Variants in LIN52 observed in about 807,000 individuals in gnomAD.
LIN52 encodes the protein protein lin-52 homolog.
In LIN52, 4 loss-of-function variants were observed where a neutral mutation model predicts 18.5. The ratio of observed to expected loss-of-function variants is 0.22; its 90% CI spans 0.11 to 0.49. The LOEUF is 0.49. Among genes scored for constraint, LIN52 ranks in the 20% least tolerant of loss-of-function variants. The pLI is 0.97. For synonymous variants in LIN52, 34 were observed against 45.5 expected, an observed-to-expected ratio of 0.75 and a Z score of 1.02; for missense variants, 102 against 139.5, an observed-to-expected ratio of 0.73 and a Z score of 1.35.
At chr14:74,126,523 A>G (rs962114145) in intron 5 of LIN52, among the ~76,000 whole-genome samples, 2 of 152,254 alleles carry the variant, frequency 1.3e-5, no homozygotes, top group Non-Finnish European at 2.9e-5. Flanking sequence ...AAAATGTGGT[A>G]TATCCATACA....
intron 5 of LIN52, among the ~76,000 whole-genome samples, chr14:74,168,042 C>T (rs2061256950): frequency 6.6e-6 from 1 of 152,158 alleles, no homozygotes; most frequent in South Asian, 2.1e-4. Context: ...ATTAAATGGA[C>T]CCTCAAGAAG....
At position 74,194,094 on chromosome 14, in the gene LIN52, A is replaced by G. The variant is rs182153109; in HGVS notation, c.284-4828A>G. ...TTGCCTCAAAGTTATAATCTGGACA[A>G]TCTTTCTGTAATAAAACCCATATGT... On this transcript the variant is annotated intron_variant, in intron 5 of 5. Transcript: ENST00000555028. Among the ~76,000 whole-genome samples the G allele has an allele frequency of 2.6e-4, 39 of 152,358 alleles. No homozygotes were observed. The South Asian group carries it at 3.9e-3, about 15-fold the overall frequency.
At chr14:74,171,018 C>CA (rs11424527) in intron 5 of LIN52, among the ~76,000 whole-genome samples, 1,329 of 123,584 alleles carry the variant, frequency 0.011, 16 homozygotes, top group African/African-American at 0.022. Context: ...CCGTCTGTAC[C>CA]AAAAAAAAAA....
At chr14:74,089,370 ATTTT>A (rs71460953) in intron 1 of LIN52, among the ~76,000 whole-genome samples, 1 of 142,332 alleles carries the variant, frequency 7.0e-6, no homozygotes, top group Admixed American at 7.1e-5. Context: ...TTAAGTGGGG[ATTTT>A]TTTTTTTTTT....
intron 5 of LIN52, among the ~76,000 whole-genome samples, chr14:74,195,587 C>T (rs538328236): frequency 2.2e-4 from 33 of 147,322 alleles, no homozygotes; most frequent in East Asian, 1.8e-3. Context: ...CGCGTGTAGA[C>T]GAGGAATACA....
intron 5 of LIN52, among the ~76,000 whole-genome samples, chr14:74,108,791 GTTA>G (rs1472858108): frequency 6.6e-6 from 1 of 152,016 alleles, no homozygotes; most frequent in Non-Finnish European, 1.5e-5. Context: ...ACATATATAT[GTTA>G]TTATCACATA....
chr14:74,086,170 A>G (rs993926297), intron 1 of LIN52, among the ~76,000 whole-genome samples: 13 of 152,118 alleles, frequency 8.5e-5, no homozygotes, highest in Non-Finnish European at 2.9e-5. Context: ...CTTTTGCGCT[A>G]GATTGTAAAT....
chr14:74,099,753 G>A (rs1393777431), intron 4 of LIN52, among the ~76,000 whole-genome samples: 1 of 152,050 alleles, frequency 6.6e-6, no homozygotes, highest in Admixed American at 6.6e-5. Context: ...GAAATCACAG[G>A]GAGTCAAAGC....
intron 5 of LIN52, among the ~76,000 whole-genome samples, chr14:74,124,523 G>A (rs1320037175): frequency 4.6e-5 from 7 of 152,080 alleles, no homozygotes; most frequent in Admixed American, 1.3e-4. Flanking sequence ...AAGCTAAGAG[G>A]CTCCTGGGTA....
intron 5 of LIN52, among the ~76,000 whole-genome samples, chr14:74,181,953 GA>G (rs1261470695): frequency 6.6e-6 from 1 of 152,112 alleles, no homozygotes; most frequent in Non-Finnish European, 1.5e-5. Flanking sequence ...GATTTTAGAG[GA>G]AAAAGTTTTT....
intron 5 of LIN52, among the ~76,000 whole-genome samples, chr14:74,144,617 A>AAATGAGAG (rs11281584): frequency 3.3e-4 from 50 of 152,070 alleles, no homozygotes; most frequent in African/African-American, 1.1e-3. Context: ...CTTCTGTGGT[A>AAATGAGAG]AGTCAGCTTG....
chr14:74,186,850 TG>T (rs2061342854), intron 5 of LIN52, among the ~76,000 whole-genome samples: 1 of 152,136 alleles, frequency 6.6e-6, no homozygotes, highest in Non-Finnish European at 1.5e-5. Context: ...AGGCCAAGGC[TG>T]TTGCATCACT....
chr14:74,120,383 C>T (rs971242280), intron 5 of LIN52, among the ~76,000 whole-genome samples: 1 of 151,772 alleles, frequency 6.6e-6, no homozygotes, highest in Non-Finnish European at 1.5e-5. Flanking sequence ...CTTCGGGAGG[C>T]CAAGGCCGGT....
chr14:74,119,305 G>C (rs2060984011), intron 5 of LIN52, among the ~76,000 whole-genome samples: 1 of 148,096 alleles, frequency 6.8e-6, no homozygotes, highest in Admixed American at 7.0e-5. Flanking sequence ...AGGACTACAG[G>C]CGCCCCCCCA....
intron 5 of LIN52, among the ~76,000 whole-genome samples, chr14:74,136,391 T>C (rs1038641218): frequency 3.9e-5 from 6 of 152,192 alleles, no homozygotes; most frequent in African/African-American, 1.4e-4. Flanking sequence ...GAAATAAGCT[T>C]TCTAATTGCT....
At position 74,157,039 on chromosome 14, in the gene LIN52, T is replaced by TTC. The variant is rs769493984; in HGVS notation, c.284-41882_284-41881insCT. ...TGTATACCATATTTTCTTTTTCTTT[T>TTC]TTTTTTTTTTGAGACAGAATTTCAC... On this transcript the variant is annotated intron_variant, in intron 5 of 5. Transcript: ENST00000555028. Among the ~76,000 whole-genome samples, 193 of 150,348 alleles carry TTC rather than the reference T, an allele frequency of 1.3e-3. 1 individual carries two copies. The highest frequency in any genetic ancestry group is 2.5e-3 in the Non-Finnish European group (170 of 67,532).
chr14:74,186,069 A>C (rs1401857137), intron 5 of LIN52, among the ~76,000 whole-genome samples: 1 of 152,164 alleles, frequency 6.6e-6, no homozygotes, highest in Non-Finnish European at 1.5e-5. Flanking sequence ...TGGCTGGATC[A>C]CTTGAGATCA....
intron 5 of LIN52, among the ~76,000 whole-genome samples, chr14:74,134,172 T>C (rs2061084405): frequency 6.6e-6 from 1 of 152,244 alleles, no homozygotes; most frequent in Admixed American, 6.5e-5. Context: ...CTGCAATTTC[T>C]TTATGACTTG....
chr14:74,109,669 A>G (rs2060915669), intron 5 of LIN52, among the ~76,000 whole-genome samples: 1 of 152,218 alleles, frequency 6.6e-6, no homozygotes, highest in Non-Finnish European at 1.5e-5. Context: ...ATTATACTTC[A>G]TTTGTTAAAT....
Sources: gnomAD v4.1 joint callset for allele counts (sites outside exome capture counted in the v4.1 genomes callset) on GRCh38, gnomAD v4.1.1 for gene constraint, MANE v1.5 for transcripts, NCBI Gene and HGNC (gene_info 2026-07-23, HGNC 2026-07-21) for gene names.